The following ANKFN1 variants were observed in gnomAD, a reference collection of about 807,000 sequenced individuals.
ANKFN1 encodes ankyrin repeat and fibronectin type III domain containing 1, also known as ankyrin repeat and fibronectin type-III domain-containing protein 1.
A neutral mutation model predicts 108.7 loss-of-function variants in ANKFN1; 74 were observed. That is an observed-to-expected ratio of 0.68 (90% CI 0.56 to 0.83). ANKFN1 has a LOEUF of 0.83. ANKFN1 is among the 40% of genes least tolerant of loss of function. The pLI is 0.00. For synonymous variants in ANKFN1, 547 were observed against 516.2 expected (o/e 1.06, Z -0.81); for missense variants, 1,505 against 1,382.3 (o/e 1.09, Z -1.41).
chr17:56,437,434 T>C (rs538456926), intron 8 of ANKFN1, among the ~76,000 whole-genome samples: 11 of 152,218 alleles, frequency 7.2e-5, no homozygotes, highest in Non-Finnish European at 1.3e-4. Context: ...GTCACAGCCC[T>C]TGATTTTCAG....
intron 14 of ANKFN1, among the ~76,000 whole-genome samples, chr17:56,460,620 A>C (rs1286862264): frequency 6.6e-6 from 1 of 152,060 alleles, no homozygotes; most frequent in African/African-American, 2.4e-5. Context: ...TGCCAAATTT[A>C]TAAACCTCCT....
At chr17:56,472,604 T>C (rs922269179) in intron 15 of ANKFN1, 2 of 152,168 alleles carry the variant, frequency 1.3e-5, no homozygotes, top group Admixed American at 6.5e-5. Context: ...CTCTTCTAGG[T>C]GCTACAGAAA....
At chr17:56,364,780 C>A (rs2046617443) in intron 6 of ANKFN1, among the ~76,000 whole-genome samples, 2 of 152,210 alleles carry the variant, frequency 1.3e-5, no homozygotes, top group South Asian at 2.1e-4. Context: ...GCAGAGAACA[C>A]TTCAGAGCCC....
intron 8 of ANKFN1, among the ~76,000 whole-genome samples, chr17:56,382,691 A>G (rs1020113345): frequency 7.9e-5 from 12 of 152,344 alleles, no homozygotes; most frequent in African/African-American, 2.6e-4. Context: ...AGTCTCTGAT[A>G]AAACTGACTT....
intron 3 of ANKFN1, chr17:56,258,122 C>A (rs547420830): frequency 6.6e-6 from 1 of 152,306 alleles, no homozygotes; most frequent in African/African-American, 2.4e-5. Flanking sequence ...CTTCTTCTTT[C>A]CATGTTCACT....
chr17:56,050,866 A>C (rs924336783), intron 4 of ANKFN1, among the ~76,000 whole-genome samples: 7 of 151,902 alleles, frequency 4.6e-5, no homozygotes, highest in African/African-American at 1.7e-4. Flanking sequence ...AGACTAAACC[A>C]GGAAGAAGTT....
At chr17:56,280,479 G>T (rs1021451384) in intron 3 of ANKFN1, among the ~76,000 whole-genome samples, 4 of 152,146 alleles carry the variant, frequency 2.6e-5, no homozygotes. Context: ...CCAGTTCTCA[G>T]GTCTTTGTCC....
chr17:56,437,973 G>GGTGTGT (rs150040769), intron 8 of ANKFN1, among the ~76,000 whole-genome samples: 17,866 of 142,058 alleles, frequency 0.13, 1,166 homozygotes, highest in Non-Finnish European at 0.15. Context: ...ATCTACTGTA[G>GGTGTGT]GTGTGTGTGT....
At chr17:56,466,069 A>C (rs1222623969) in intron 14 of ANKFN1, among the ~76,000 whole-genome samples, 1 of 152,200 alleles carries the variant, frequency 6.6e-6, no homozygotes, top group Non-Finnish European at 1.5e-5. Context: ...GTGGGTAAGA[A>C]ATATGTACAG....
At chr17:56,473,711 C>T (rs950084095) in intron 15 of ANKFN1, 1 of 146,930 alleles carries the variant, frequency 6.8e-6, no homozygotes, top group African/African-American at 2.5e-5. Flanking sequence ...GTGGATGAGA[C>T]AGCTTCTTTC....
intron 1 of ANKFN1, among the ~76,000 whole-genome samples, chr17:56,205,457 G>T (rs1486418630): frequency 6.6e-6 from 1 of 152,178 alleles, no homozygotes; most frequent in Non-Finnish European, 1.5e-5. Context: ...CCTGCTCTCT[G>T]CAAAGTTACT....
At chr17:56,465,235 T>G (rs1333094241) in intron 14 of ANKFN1, among the ~76,000 whole-genome samples, 1 of 152,202 alleles carries the variant, frequency 6.6e-6, no homozygotes, top group Non-Finnish European at 1.5e-5. Context: ...TATGACTGAG[T>G]GATTAGGCCA....
At chr17:56,364,689 T>C (rs971008852) in intron 6 of ANKFN1, among the ~76,000 whole-genome samples, 2 of 152,252 alleles carry the variant, frequency 1.3e-5, no homozygotes, top group East Asian at 3.8e-4. Context: ...TCTGTGTCAT[T>C]TGTTCTGGCT....
chr17:56,466,187 T>C (rs2050066395), intron 14 of ANKFN1, among the ~76,000 whole-genome samples, 169 bp from the exon 15 acceptor site: 2 of 151,778 alleles, frequency 1.3e-5, no homozygotes, highest in African/African-American at 4.8e-5. Context: ...TGAGCTTCTG[T>C]GAAGTACATG....
At chr17:56,464,218 T>G (rs2050001786) in intron 14 of ANKFN1, among the ~76,000 whole-genome samples, 2 of 152,226 alleles carry the variant, frequency 1.3e-5, no homozygotes, top group African/African-American at 4.8e-5. Flanking sequence ...AGTGCTTTCT[T>G]ATTCAACCCC....
rs569289408 is a variant in ANKFN1, at chr17:56,074,053, C to G, written c.288+27728C>G. Among the ~76,000 whole-genome samples, 3 of 152,242 alleles carry G rather than the reference C, an allele frequency of 2.0e-5. No individual in the cohort carries two copies. In the East Asian group the frequency reaches 5.8e-4, roughly 29 times the overall value. ...GGGTCATATGGTAATTCTGTGTTTC[C>G]CTTTTTGAGGAACTGTCAAACTATT... On this transcript the variant is annotated intron_variant, in intron 4 of 12. Coordinates refer to the ANKFN1 transcript ENST00000635860.
intron 3 of ANKFN1, among the ~76,000 whole-genome samples, chr17:56,248,259 A>T (rs1320403275): frequency 6.6e-6 from 1 of 152,158 alleles, no homozygotes; most frequent in Admixed American, 6.5e-5. Flanking sequence ...TCACCTCATG[A>T]TACAGAGTAT....
intron 18 of ANKFN1, among the ~76,000 whole-genome samples, chr17:56,483,672 C>A (rs2050778223): frequency 6.6e-6 from 1 of 152,140 alleles, no homozygotes. Flanking sequence ...CTTTCTACAC[C>A]TTTTCTGTGT....
intron 1 of ANKFN1, among the ~76,000 whole-genome samples, chr17:56,191,996 T>C (rs1365421928): frequency 6.6e-6 from 1 of 152,134 alleles, no homozygotes; most frequent in Admixed American, 6.5e-5. Context: ...TTTCTTCCAG[T>C]TGATCGCATC....
Sources: gnomAD v4.1 joint callset for allele counts (sites outside exome capture counted in the v4.1 genomes callset) on GRCh38, gnomAD v4.1.1 for gene constraint, MANE v1.5 for transcripts, NCBI Gene and HGNC (gene_info 2026-07-23, HGNC 2026-07-21) for gene names.